The following CIZ1 variants were observed in gnomAD, a reference collection of about 807,000 sequenced individuals.
CIZ1 encodes cip1-interacting zinc finger protein.
CIZ1 carries 58 observed loss-of-function variants against 118.6 expected under a neutral mutation model. That is an observed-to-expected ratio of 0.49 (90% CI 0.40 to 0.61). The LOEUF (loss-of-function observed/expected upper bound fraction) is 0.61, where lower values mean the gene tolerates loss of function less well. Among genes scored for constraint, CIZ1 ranks in the 20% least tolerant of loss-of-function variants. The pLI is 0.00. For synonymous variants in CIZ1, 448 were observed against 443.4 expected (o/e 1.01, Z -0.13); for missense variants, 921 against 1,115.9 (o/e 0.83, Z 2.49).
Position 128,203,419 on chromosome 9 carries a change from G to A in CIZ1, c.-6+767C>T. On this transcript the variant is annotated intron_variant, in intron 1 of 17. Transcript: ENST00000372948. The surrounding 1 kb of genome is among the most constrained non-coding windows in gnomAD (Gnocchi z 5.3). ...CTGCAGCGGCGGAGCCGGAGTCGGA[G>A]CCGGGAGCGCTAGCGGCAGCCGGAT... 1 of 1,394,796 alleles carries A rather than the reference G, an allele frequency of 7.2e-7. No individual in the cohort carries two copies. Among genetic ancestry groups the A allele is most frequent in the Middle Eastern group, 2.4e-4 (1 of 4,184 alleles). The allele number at this position is 1,394,796 out of a possible 1,614,324, so 86.4% of individuals were successfully genotyped here.
At chr9:128,183,435 G>T (rs1336341690) in intron 5 of CIZ1, among the ~76,000 whole-genome samples, 1 of 152,188 alleles carries the variant, frequency 6.6e-6, no homozygotes, top group African/African-American at 2.4e-5. Flanking sequence ...CTGGAGGCGG[G>T]GCCCCTCGCT....
At chr9:128,168,253 C>T (rs933726186) in intron 14 of CIZ1, among the ~76,000 whole-genome samples, 1 of 152,220 alleles carries the variant, frequency 6.6e-6, no homozygotes, top group Non-Finnish European at 1.5e-5. Context: ...TGGTGGCTCA[C>T]GCCTGTAATC....
upstream of CIZ1, among the ~76,000 whole-genome samples, chr9:128,195,157 C>G (rs1833347046): frequency 6.6e-6 from 1 of 152,086 alleles, no homozygotes; most frequent in African/African-American, 2.4e-5. Flanking sequence ...GGAAAATAAT[C>G]AACTTTAGGG....
chr9:128,187,712 GAA>G, intron 4 of CIZ1, 149 bp downstream of exon 4: 1 of 301,654 alleles, frequency 3.3e-6, no homozygotes, highest in Non-Finnish European at 6.0e-6. Flanking sequence ...GTCACAAAAA[GAA>G]ATAAAATGTT....
rs1831416756 is a variant in CIZ1, at chr9:128,180,355, C to T, written c.791+60G>A. On this transcript the variant is annotated intron_variant, in intron 7 of 16. Coordinates refer to ENST00000372938, the MANE Select transcript of CIZ1 (RefSeq NM_001131016.2). ...CCCCCTCTGCCATTGCCACCCCTGCCTTTGCAGGAATGAGAGCACAGGGCA... is the reference window on the plus strand; with the variant it reads ...CCCCCTCTGCCATTGCCACCCCTGCTTTTGCAGGAATGAGAGCACAGGGCA... The T allele has an allele frequency of 1.0e-5, 13 of 1,299,148 alleles. No individual in the cohort carries two copies. In the Admixed American group the frequency reaches 1.9e-4, roughly 19 times the overall value. 80.5% of individuals were successfully genotyped at this position (1,299,148 alleles called of 1,614,324 possible). A position where few individuals can be genotyped will look rare whatever the true frequency, so the allele number is the denominator to read the frequency against.
At chr9:128,181,106 G>A (rs1380486722) in intron 5 of CIZ1, among the ~76,000 whole-genome samples, 1 of 152,070 alleles carries the variant, frequency 6.6e-6, no homozygotes, top group Non-Finnish European at 1.5e-5. Flanking sequence ...TTTACATGAA[G>A]TAGCCAGTGG....
chr9:128,182,860 C>T (rs1294057460), intron 5 of CIZ1, among the ~76,000 whole-genome samples: 1 of 151,830 alleles, frequency 6.6e-6, no homozygotes, highest in Non-Finnish European at 1.5e-5. Flanking sequence ...CTGGGCTCAA[C>T]TGATCCTCCT....
chr9:128,179,477 TA>T (rs1831292829), intron 7 of CIZ1, 62 bp from the exon 8 acceptor site: 1 of 1,478,754 alleles, frequency 6.8e-7, no homozygotes. Context: ...GGCTCCCAAG[TA>T]AGGCCAAAAC....
At chr9:128,178,249 A>T in intron 9 of CIZ1, 120 bp downstream of exon 9, 9 of 1,233,862 alleles carry the variant, frequency 7.3e-6, no homozygotes, top group Non-Finnish European at 1.0e-5. Context: ...GAGGGCTGTC[A>T]TCCCATTTCA....
upstream of CIZ1, among the ~76,000 whole-genome samples, chr9:128,194,903 T>G (rs1308875231): frequency 1.3e-5 from 2 of 152,100 alleles, no homozygotes; most frequent in African/African-American, 4.8e-5. Flanking sequence ...CTGCAGCCTT[T>G]CCCTCCCTGG....
At chr9:128,184,742 A>C (rs1832132083) in intron 5 of CIZ1, among the ~76,000 whole-genome samples, 1 of 152,042 alleles carries the variant, frequency 6.6e-6, no homozygotes, top group East Asian at 1.9e-4. Flanking sequence ...ATCTTGGCTC[A>C]CTGCAAGCTC....
Position 128,166,104 on chromosome 9 carries a change from A to G in CIZ1, c.*93T>C. 2 of 915,878 alleles carry G rather than the reference A, an allele frequency of 2.2e-6. No homozygotes were observed. Among genetic ancestry groups the G allele is most frequent in the East Asian group, 2.9e-5 (1 of 34,788 alleles). 56.7% of individuals were successfully genotyped at this position (915,878 alleles called of 1,614,324 possible). A position where few individuals can be genotyped will look rare whatever the true frequency, so the allele number is the denominator to read the frequency against. ...ACCTTGTTTTATTGGATTTTGAGTA[A>G]AAACATGAACCATGTCAAAGTTTCC... On this transcript the variant is annotated 3_prime_UTR_variant, in exon 17 of 17. Transcript: ENST00000372938. This position sits in a 1 kb window ranked among gnomAD's most constrained non-coding sequence, Gnocchi z 4.4.
Position 128,176,271 on chromosome 9 carries a change from C to A in CIZ1, c.1943+80G>T. On this transcript the variant is annotated intron_variant, in intron 11 of 16. Transcript: ENST00000372938. ...GTGCAGTGCTTAACCCAAAGGTAAACCCTGCAGATGGTAGATTCAGGCCCT... is the reference window on the plus strand; with the variant it reads ...GTGCAGTGCTTAACCCAAAGGTAAAACCTGCAGATGGTAGATTCAGGCCCT... The A allele has an allele frequency of 3.8e-6, 6 of 1,559,102 alleles. No homozygotes were observed. The Admixed American group carries it at 8.9e-5, about 23-fold the overall frequency.
rs772098912 is a variant in CIZ1, at chr9:128,185,556, G to A, written c.579C>T (p.Pro193=). 4 of 1,505,028 alleles carry A rather than the reference G, an allele frequency of 2.7e-6. No homozygotes were observed. The highest frequency in any genetic ancestry group is 1.3e-5 in the South Asian group (1 of 75,048). 93.2% of individuals were successfully genotyped at this position (1,505,028 alleles called of 1,614,324 possible). Residue 193 remains proline, a synonymous_variant, in exon 5 of 17, where the codon CCC becomes CCT. Coordinates refer to ENST00000372938, the MANE Select transcript of CIZ1 (RefSeq NM_001131016.2). The part of the protein sequence containing the change: ...KQARTSSSTT[P]NRKDSSSQTM... ...CCCACCTACCACTCACCTTTCGATTGGGGGTGGTAGAGGAGGAGGTCCGGG... is the reference window on the plus strand; with the variant it reads ...CCCACCTACCACTCACCTTTCGATTAGGGGTGGTAGAGGAGGAGGTCCGGG...
chr9:128,167,735 G>T (rs1588107778), intron 14 of CIZ1: 1 of 154,732 alleles, frequency 6.5e-6, no homozygotes, highest in Admixed American at 6.5e-5. Flanking sequence ...GTGAGATGAG[G>T]TCATCTGACT....
At chr9:128,170,483 C>T (rs1829997336) in intron 11 of CIZ1, among the ~76,000 whole-genome samples, 1 of 152,220 alleles carries the variant, frequency 6.6e-6, no homozygotes, top group Non-Finnish European at 1.5e-5. Context: ...GAAACCCCAT[C>T]TCTAGCAAAA....
At position 128,179,208 on chromosome 9, in the gene CIZ1, T is replaced by A; in HGVS notation, c.999A>T (p.Thr333=). 6.2e-7 allele frequency: 1 copy of A among 1,614,104 alleles called. No homozygotes were observed. The highest frequency in any genetic ancestry group is 8.5e-7 in the Non-Finnish European group (1 of 1,179,994). Residue 333 remains threonine (T), a synonymous_variant, in exon 8 of 17, where the codon ACA becomes ACT. Coordinates refer to ENST00000372938, the MANE Select transcript of CIZ1 (RefSeq NM_001131016.2). ...GCAGCTTTGGCTGCACCTGGGTGTC[T>A]GTGGATGGTATCCGCGGCTGAGTCT... The part of the protein sequence containing the change: ...QSQTQPRIPS[T]DTQVQPKLQK...
At chr9:128,191,913 G>A, upstream of CIZ1, 1 of 1,438,870 alleles carries the variant, frequency 6.9e-7, no homozygotes, top group Non-Finnish European at 9.1e-7. This position sits in a 1 kb window ranked among gnomAD's most constrained non-coding sequence, Gnocchi z 5.5. Context: ...TGCGGTGAGA[G>A]GGGGCGCGCA....
upstream of CIZ1, among the ~76,000 whole-genome samples, chr9:128,192,818 C>A (rs560036798): frequency 6.6e-6 from 1 of 152,266 alleles, no homozygotes; most frequent in Admixed American, 6.5e-5. Context: ...GCTGGGATTA[C>A]AGGGGTGAGC....
Sources: allele counts gnomAD v4.1 joint callset (sites outside exome capture counted in the v4.1 genomes callset), GRCh38; gene constraint gnomAD v4.1.1; non-coding constraint Gnocchi (gnomAD v3.1); transcripts MANE v1.5; gene names NCBI Gene and HGNC (gene_info 2026-07-23, HGNC 2026-07-21).